STK3: variants seen among roughly 807,000 people sequenced by gnomAD.
The protein encoded by STK3 is serine/threonine kinase 3.
A neutral mutation model predicts 58.0 loss-of-function variants in STK3; 41 were observed. That is an observed-to-expected ratio of 0.71 (90% CI 0.55 to 0.92). STK3 has a LOEUF of 0.92. Ranked by LOEUF, STK3 falls within the 40% of genes least tolerant of loss-of-function variation. STK3 has a pLI of 0.00. For missense variants in STK3, 479 were observed against 602.7 expected (o/e 0.79, Z 2.15); for synonymous variants, 170 against 191.0 (o/e 0.89, Z 0.91).
chr8:98,460,123 C>T (rs1323677834), intron 10 of STK3, among the ~76,000 whole-genome samples: 1 of 152,212 alleles, frequency 6.6e-6, no homozygotes, highest in Non-Finnish European at 1.5e-5. Context: ...GAGAGGAGGG[C>T]TGTAACCTGC....
chr8:98,495,983 G>A (rs528556830), intron 10 of STK3, among the ~76,000 whole-genome samples: 2 of 152,272 alleles, frequency 1.3e-5, no homozygotes, highest in Admixed American at 1.3e-4. Context: ...TCTTCACAGT[G>A]TAAATTAGTA....
Position 98,524,338 on chromosome 8 carries a change from C to T in STK3, c.1317+2404G>A, listed in dbSNP as rs937687349. On this transcript the variant is annotated intron_variant, in intron 10 of 10. Coordinates refer to ENST00000419617, the MANE Select transcript of STK3 (RefSeq NM_006281.4). ...AAGATTGTTTTGACTAATTAGGGTC[C>T]CTTGAGAATCCATATGAATTTTAGG... is the stretch of plus-strand genomic sequence containing the variant. Among the ~76,000 whole-genome samples the T allele has an allele frequency of 7.2e-5, 11 of 152,046 alleles. No individual in the cohort carries two copies. In the South Asian group the frequency reaches 8.3e-4, roughly 11 times the overall value.
At chr8:98,588,747 G>T (rs952989193) in intron 7 of STK3, among the ~76,000 whole-genome samples, 1 of 151,666 alleles carries the variant, frequency 6.6e-6, no homozygotes, top group Admixed American at 6.6e-5. Flanking sequence ...ATTAGACGTA[G>T]ATTTGGTCTT....
intron 3 of STK3, among the ~76,000 whole-genome samples, chr8:98,404,554 C>T (rs1817975029): frequency 1.3e-5 from 2 of 152,032 alleles, no homozygotes; most frequent in South Asian, 4.2e-4. Context: ...GTGGCGGATG[C>T]CTGTAGTCCC....
At chr8:98,745,485 G>A (rs1380145050) in intron 4 of STK3, among the ~76,000 whole-genome samples, 1 of 152,052 alleles carries the variant, frequency 6.6e-6, no homozygotes, top group Non-Finnish European at 1.5e-5. Flanking sequence ...GAACTAAAAT[G>A]TCTGGAGAAA....
intron 6 of STK3, among the ~76,000 whole-genome samples, chr8:98,693,801 C>T (rs1054505088): frequency 9.2e-5 from 14 of 152,150 alleles, no homozygotes; most frequent in Non-Finnish European, 1.9e-4. Context: ...TTACTCAAGT[C>T]TCACCACTAC....
Position 98,692,963 on chromosome 8 carries a change from A to G in STK3, c.684+13504T>C, listed in dbSNP as rs532528950. Reference sequence around the variant, plus strand: ...ATGTTACACAATTTGGGGGGGAAAAATACAATTTATGCAGATATAATTAAG... The same window carrying G: ...ATGTTACACAATTTGGGGGGGAAAAGTACAATTTATGCAGATATAATTAAG... On this transcript the variant is annotated intron_variant, in intron 6 of 10. Coordinates refer to ENST00000419617, the MANE Select transcript of STK3 (RefSeq NM_006281.4). 3.2e-4 allele frequency among the ~76,000 whole-genome samples: 48 copies of G among 152,256 alleles called. No homozygotes were observed. In the South Asian group the frequency reaches 9.3e-3, roughly 30 times the overall value.
chr8:98,368,234 T>G (rs1366699070), downstream of STK3, among the ~76,000 whole-genome samples: 1 of 152,198 alleles, frequency 6.6e-6, no homozygotes, highest in Non-Finnish European at 1.5e-5. Context: ...CTTCCTTTGC[T>G]GGGATCTGGC....
At chr8:98,894,063 C>T (rs184507413) in intron 1 of STK3, among the ~76,000 whole-genome samples, 39 of 152,276 alleles carry the variant, frequency 2.6e-4, no homozygotes, top group Admixed American at 2.2e-3. Context: ...GTCAATCACC[C>T]GGTGATGTTT....
chr8:98,462,743 T>C (rs1346975304), intron 10 of STK3, among the ~76,000 whole-genome samples: 6 of 152,216 alleles, frequency 3.9e-5, no homozygotes, highest in African/African-American at 9.6e-5. Context: ...CTTCTTTATG[T>C]TGTTTTTCAC....
chr8:98,466,052 G>A (rs1458577208), intron 10 of STK3, among the ~76,000 whole-genome samples: 6 of 152,262 alleles, frequency 3.9e-5, no homozygotes, highest in African/African-American at 1.4e-4. Flanking sequence ...GATCTATTAA[G>A]GGCAGATGAA....
intron 1 of STK3, chr8:98,905,175 T>G: frequency 2.6e-6 from 3 of 1,146,522 alleles, no homozygotes; most frequent in Non-Finnish European, 4.0e-6. Context: ...CTTACACTGA[T>G]AGCAGCCACA....
chr8:98,898,609 G>GAA (rs1355379495), intron 1 of STK3, among the ~76,000 whole-genome samples: 1 of 152,156 alleles, frequency 6.6e-6, no homozygotes, highest in African/African-American at 2.4e-5. Context: ...AGAGCATTAA[G>GAA]AAATGTGCAG....
intron 3 of STK3, among the ~76,000 whole-genome samples, chr8:98,858,292 A>G (rs1374254097): frequency 2.4e-4 from 7 of 29,132 alleles, no homozygotes; most frequent in African/African-American, 5.2e-4. Context: ...ATACATACGT[A>G]TATATATATA....
At chr8:98,698,008 G>A (rs1825150140) in intron 6 of STK3, among the ~76,000 whole-genome samples, 1 of 152,306 alleles carries the variant, frequency 6.6e-6, no homozygotes, top group African/African-American at 2.4e-5. Flanking sequence ...AAGTCTCTAT[G>A]TAGGTCACTC....
chr8:98,872,595 C>G (rs1022512200), intron 3 of STK3, among the ~76,000 whole-genome samples: 3 of 152,124 alleles, frequency 2.0e-5, no homozygotes, highest in Non-Finnish European at 4.4e-5. Flanking sequence ...GGAATTTATC[C>G]ATTTCTTCTA....
intron 3 of STK3, among the ~76,000 whole-genome samples, chr8:98,419,021 G>C (rs1169589966): frequency 6.6e-6 from 1 of 152,326 alleles, no homozygotes; most frequent in East Asian, 1.9e-4. Context: ...CCAACGGCAT[G>C]TATGTCCTGG....
At chr8:98,904,535 G>A (rs997852380) in intron 1 of STK3, 4 of 476,452 alleles carry the variant, frequency 8.4e-6, no homozygotes, top group Non-Finnish European at 1.6e-5. Flanking sequence ...ACCGCACGGA[G>A]CAAGTTCTCA....
At chr8:98,569,282 A>G (rs1812761108) in intron 8 of STK3, among the ~76,000 whole-genome samples, 1 of 152,178 alleles carries the variant, frequency 6.6e-6, no homozygotes, top group Non-Finnish European at 1.5e-5. Context: ...CTACTGGGAG[A>G]TATGATACAT....
Sources: allele counts gnomAD v4.1 joint callset (sites outside exome capture counted in the v4.1 genomes callset), GRCh38; gene constraint gnomAD v4.1.1; transcripts MANE v1.5; gene names NCBI Gene and HGNC (gene_info 2026-07-23, HGNC 2026-07-21).